The following NOX4 variants were observed in gnomAD, a reference collection of about 807,000 sequenced individuals.
The protein encoded by NOX4 is NADPH oxidase 4.
NOX4 carries 69 observed loss-of-function variants against 87.6 expected under a neutral mutation model. The observed-to-expected ratio is 0.79, with a 90% confidence interval of 0.65 to 0.96. NOX4 has a LOEUF of 0.96. Ranked by LOEUF, NOX4 falls within the 40% of genes least tolerant of loss-of-function variation. The pLI, the probability that NOX4 is intolerant of heterozygous loss-of-function variation, is 0.00. For missense variants in NOX4, 680 were observed against 681.5 expected, an observed-to-expected ratio of 1.00 and a Z score of 0.02; for synonymous variants, 275 against 238.2, an observed-to-expected ratio of 1.15 and a Z score of -1.42.
the NOX4 span, among the ~76,000 whole-genome samples, chr11:89,556,138 T>C: frequency 2.0e-5 from 3 of 152,116 alleles, no homozygotes; most frequent in Non-Finnish European, 4.4e-5. Context: ...ATCTAACATC[T>C]ACCCTACAAC....
rs1463345189 is a variant in NOX4 at position 89,444,244 on chromosome 11, C to A, written c.350-12G>T. 6.2e-7 allele frequency: 1 copy of A among 1,609,546 alleles called. No individual in the cohort carries two copies. Among genetic ancestry groups the A allele is most frequent in the Non-Finnish European group, 8.5e-7 (1 of 1,176,124 alleles). On this transcript the variant is annotated splice_polypyrimidine_tract_variant and intron_variant, in intron 4 of 17. Transcript: ENST00000263317. Reference sequence around the variant, plus strand: ...AGCCACATGCACGCCTACAGAATTACACCAGGGGTAAGTTAGTGGGATTTG... The same window carrying A: ...AGCCACATGCACGCCTACAGAATTAAACCAGGGGTAAGTTAGTGGGATTTG...
the NOX4 span, among the ~76,000 whole-genome samples, chr11:89,512,267 T>G: frequency 3.3e-5 from 5 of 151,940 alleles, no homozygotes; most frequent in African/African-American, 1.2e-4. Flanking sequence ...TCCTTTTCCT[T>G]TTTTATAATA....
intron 2 of NOX4, among the ~76,000 whole-genome samples, chr11:89,474,292 T>C (rs1391032093): frequency 6.6e-6 from 1 of 152,032 alleles, no homozygotes; most frequent in Non-Finnish European, 1.5e-5. Context: ...ACAAAGGAAA[T>C]GCAATTCAAA....
rs147712431 is a variant in NOX4 at position 89,375,883 on chromosome 11, A to C, written c.1075-2391T>G. Among the ~76,000 whole-genome samples the C allele has an allele frequency of 5.5e-3, 834 of 152,344 alleles. 9 individuals carry two copies. Among genetic ancestry groups the C allele is most frequent in the Non-Finnish European group, 5.1e-3 (345 of 68,028 alleles). ...TGACCTATAGCCAAGAAGATATCAG[A>C]ATGGAAGGCAAAGAATGTTTGTCCT... On this transcript the variant is annotated intron_variant, in intron 11 of 17. Coordinates refer to ENST00000263317, the MANE Select transcript of NOX4 (RefSeq NM_016931.5).
intron 2 of NOX4, among the ~76,000 whole-genome samples, chr11:89,465,378 CTAT>C (rs1267258410): frequency 6.6e-6 from 1 of 152,150 alleles, no homozygotes; most frequent in Non-Finnish European, 1.5e-5. Context: ...TTTACCCAGT[CTAT>C]CATTGATGGG....
intron 2 of NOX4, among the ~76,000 whole-genome samples, chr11:89,461,953 C>A (rs1470183604): frequency 6.6e-6 from 1 of 150,728 alleles, no homozygotes; most frequent in African/African-American, 2.4e-5. Flanking sequence ...TCAATAAATG[C>A]AATCCTTAGT....
At chr11:89,572,225 AATTG>A in the NOX4 span, among the ~76,000 whole-genome samples, 1 of 152,160 alleles carries the variant, frequency 6.6e-6, no homozygotes, top group Non-Finnish European at 1.5e-5. Flanking sequence ...AAACTTTCTA[AATTG>A]ATTGAGACCT....
At chr11:89,465,151 C>G (rs1945621462) in intron 2 of NOX4, among the ~76,000 whole-genome samples, 1 of 152,060 alleles carries the variant, frequency 6.6e-6, no homozygotes, top group Admixed American at 6.5e-5. Flanking sequence ...CCCCCCACCA[C>G]CCAACAAGCC....
At chr11:89,428,633 G>C (rs1191052677) in intron 7 of NOX4, among the ~76,000 whole-genome samples, 1 of 151,990 alleles carries the variant, frequency 6.6e-6, no homozygotes, top group Non-Finnish European at 1.5e-5. Flanking sequence ...ATTACATAAT[G>C]GTAAAGGGAT....
intron 13 of NOX4, among the ~76,000 whole-genome samples, chr11:89,354,388 T>A: frequency 6.6e-6 from 1 of 152,130 alleles, no homozygotes; most frequent in Admixed American, 6.5e-5. Flanking sequence ...GAAGGCATAT[T>A]CCTTCAACAA....
chr11:89,393,203 T>C (rs1326140401), intron 11 of NOX4, among the ~76,000 whole-genome samples: 1 of 152,126 alleles, frequency 6.6e-6, no homozygotes, highest in Non-Finnish European at 1.5e-5. Context: ...GGGCTAAAGA[T>C]GCTGCAAAAC....
the NOX4 span, among the ~76,000 whole-genome samples, chr11:89,508,700 A>G: frequency 2.0e-5 from 3 of 152,150 alleles, no homozygotes; most frequent in Non-Finnish European, 4.4e-5. Flanking sequence ...CTGCGCCTAC[A>G]ATCTCCCCGG....
intron 2 of NOX4, among the ~76,000 whole-genome samples, chr11:89,462,912 T>C (rs765258137): frequency 6.6e-6 from 1 of 151,968 alleles, no homozygotes; most frequent in Non-Finnish European, 1.5e-5. Flanking sequence ...ACAATAGTGG[T>C]AATCTTTTGC....
At chr11:89,540,056 T>A in the NOX4 span, among the ~76,000 whole-genome samples, 1 of 152,158 alleles carries the variant, frequency 6.6e-6, no homozygotes, top group African/African-American at 2.4e-5. Context: ...ACCTCAATTG[T>A]CATTCTTCTC....
At chr11:89,570,888 T>C in the NOX4 span, among the ~76,000 whole-genome samples, 3 of 152,238 alleles carry the variant, frequency 2.0e-5, no homozygotes, top group East Asian at 1.9e-4. Context: ...CTTGTCAACA[T>C]GCCACACCCT....
chr11:89,401,014 A>G (rs1176064997), intron 9 of NOX4, among the ~76,000 whole-genome samples: 1 of 152,116 alleles, frequency 6.6e-6, no homozygotes, highest in African/African-American at 2.4e-5. Flanking sequence ...GTTAGCCCTG[A>G]TCCCAGGACA....
intron 17 of NOX4, among the ~76,000 whole-genome samples, chr11:89,331,375 AAC>A (rs1945463027): frequency 1.3e-5 from 2 of 151,904 alleles, no homozygotes; most frequent in South Asian, 4.1e-4. Flanking sequence ...TATTAAGAAA[AAC>A]AGTCTGAAAT....
At chr11:89,543,563 G>A in the NOX4 span, among the ~76,000 whole-genome samples, 1 of 152,028 alleles carries the variant, frequency 6.6e-6, no homozygotes, top group Non-Finnish European at 1.5e-5. Flanking sequence ...GAGGGTGTGA[G>A]GAGGAAAAGT....
intron 2 of NOX4, among the ~76,000 whole-genome samples, chr11:89,475,800 G>A (rs557392321): frequency 6.6e-6 from 1 of 151,898 alleles, no homozygotes; most frequent in South Asian, 2.1e-4. Context: ...GCACTGGGAG[G>A]GCACAATGGA....
Sources: gnomAD v4.1 joint callset for allele counts (sites outside exome capture counted in the v4.1 genomes callset) on GRCh38, gnomAD v4.1.1 for gene constraint, MANE v1.5 for transcripts, NCBI Gene and HGNC (gene_info 2026-07-23, HGNC 2026-07-21) for gene names.